Variants in DDX56 observed in about 807,000 individuals in gnomAD.
DDX56 encodes the protein DEAD-box helicase 56.
Under a neutral mutation model 61.5 loss-of-function variants are expected in DDX56, and 45 were observed. The observed-to-expected ratio is 0.73, with a 90% CI of 0.58 to 0.94. The LOEUF is 0.94. DDX56 is among the 40% of genes least tolerant of loss of function. The probability of loss-of-function intolerance (pLI) is 0.00; values close to 1 mark genes in which losing one functional copy is unlikely to be tolerated. For missense variants in DDX56, 708 were observed against 690.7 expected, an observed-to-expected ratio of 1.02 and a Z score of -0.28; for synonymous variants, 273 against 268.3, an observed-to-expected ratio of 1.02 and a Z score of -0.17.
At chr7:44,566,359 C>T (rs1277167520) in intron 13 of DDX56, 89 bp downstream of exon 13, 1 of 1,255,252 alleles carries the variant, frequency 8.0e-7, no homozygotes, top group Non-Finnish European at 1.1e-6. Context: ...CTTCCCCTCC[C>T]TAGGGCAAGG....
chr7:44,573,560 C>T (rs1802737162), intron 2 of DDX56, 23 bp downstream of exon 2: 2 of 1,607,984 alleles, frequency 1.2e-6, no homozygotes, highest in African/African-American at 2.7e-5. Flanking sequence ...CTCCTTCCTC[C>T]CCTCAGCTCT....
In DDX56 at chr7:44,573,725, C is replaced by A; in HGVS notation, c.80G>T (p.Trp27Leu). ...CTCCTGGATCAGCGTAGGTCGCGAC[C>A]AGCCCAGATCGGTGACAGCCTAGGA... ...RLLQAVTDLG[W>L]SRPTLIQEKA... The change falls in exon 2 of 14, where the codon TGG (tryptophan) becomes TTG (leucine). Residue 27 changes from tryptophan (W) to leucine (L), a missense_variant. Physicochemically the swap from Trp to Leu is moderately conservative, Grantham distance 61. Transcript: ENST00000258772. The A allele has an allele frequency of 6.2e-7, 1 of 1,613,558 alleles. No homozygotes were observed. The highest frequency in any genetic ancestry group is 8.5e-7 in the Non-Finnish European group (1 of 1,179,946).
In DDX56 at chr7:44,568,954, C is replaced by T; in HGVS notation, c.1332G>A (p.Glu444=). ...CTTCCTTGATCTCCTTCAATCTTGCCTCCCGAATGGCCTGCTTAGTCACTG... is the reference window on the plus strand; with the variant it reads ...CTTCCTTGATCTCCTTCAATCTTGCTTCCCGAATGGCCTGCTTAGTCACTG... ...MRSVTKQAIR[E]ARLKEIKEEL... is the part of the protein sequence containing the mutation. The change falls in exon 11 of 14, where the codon GAG becomes GAA. Residue 444 remains glutamate, a synonymous_variant. Transcript: ENST00000258772. The T allele has an allele frequency of 6.2e-7, 1 of 1,614,160 alleles. No individual in the cohort carries two copies. Among genetic ancestry groups the T allele is most frequent in the African/African-American group, 1.3e-5 (1 of 75,050 alleles).
chr7:44,572,552 A>ATGTT, intron 4 of DDX56, 22 bp downstream of exon 4: 1 of 1,613,820 alleles, frequency 6.2e-7, no homozygotes, highest in Non-Finnish European at 8.5e-7. Context: ...TCCACTAGGA[A>ATGTT]TCACACCCAC....
Position 44,569,891 on chromosome 7 carries a change from A to G in DDX56, c.1137T>C (p.Ala379=), listed in dbSNP as rs777361454. Residue 379 remains alanine (A), a synonymous_variant, in exon 9 of 14, where the codon GCT becomes GCC. Transcript: ENST00000258772. ...YIHRAGRTAR[A]NNPGIVLTFV... ...AGGTTAAGACTATGCCTGGGTTGTT[A>G]GCGCGTGCTGTCCTGCAAGGGAAGA... is the stretch of plus-strand genomic sequence containing the variant. 3.7e-6 allele frequency: 6 copies of G among 1,611,144 alleles called. No homozygotes were observed. Among genetic ancestry groups the G allele is most frequent in the Middle Eastern group, 1.7e-4 (1 of 6,060 alleles).
chr7:44,571,612 A>T lies in DDX56; in HGVS notation c.770T>A (p.Ile257Asn), dbSNP rs751665943. Residue 257 changes from isoleucine to asparagine, a missense_variant, in exon 6 of 14, where the codon ATT becomes AAT. Coordinates refer to ENST00000258772, the MANE Select transcript of DDX56 (RefSeq NM_019082.4). ...LLYALLKLSL[I>N]RGKSLLFVNT... ...GACAAAGAGCAGAGACTTGCCCCGA[A>T]TCAATGACAGCTTGAGCAGGGCATA... The T allele has an allele frequency of 1.2e-6, 2 of 1,614,150 alleles. No individual in the cohort carries two copies. Among genetic ancestry groups the T allele is most frequent in the Non-Finnish European group, 1.7e-6 (2 of 1,180,044 alleles).
At chr7:44,572,514 C>G (rs1802703124) in intron 4 of DDX56, 60 bp downstream of exon 4, 1 of 1,613,446 alleles carries the variant, frequency 6.2e-7, no homozygotes, top group Non-Finnish European at 8.5e-7. Flanking sequence ...CCACCCCGCT[C>G]TCGTCCCAAC....
chr7:44,573,467 C>A (rs550382798), intron 2 of DDX56, 116 bp downstream of exon 2: 7 of 1,380,592 alleles, frequency 5.1e-6, no homozygotes, highest in Non-Finnish European at 6.9e-6. Context: ...GCACCAGGTT[C>A]TCAGGCCGGC....
At chr7:44,569,243 C>A in intron 9 of DDX56, 40 bp from the exon 10 acceptor site, 1 of 1,591,342 alleles carries the variant, frequency 6.3e-7, no homozygotes, top group Admixed American at 1.7e-5. Context: ...CAGGCTGAGG[C>A]CTTAGGATAG....
chr7:44,567,964 G>A (rs1485795051), intron 12 of DDX56, among the ~76,000 whole-genome samples, 154 bp downstream of exon 12: 1 of 152,206 alleles, frequency 6.6e-6, no homozygotes, highest in African/African-American at 2.4e-5. Flanking sequence ...AAACACAGGG[G>A]TGTGCCTGTT....
chr7:44,573,768 A>G (rs772058734), intron 1 of DDX56, 24 bp from the exon 2 acceptor site: 1 of 1,613,466 alleles, frequency 6.2e-7, no homozygotes, highest in East Asian at 2.2e-5. Flanking sequence ...AGTGCGGTTT[A>G]AGCGGCGTGA....
Position 44,565,898 on chromosome 7 carries a change from ACTGT to A in DDX56, c.*100_*103del. On this transcript the variant is annotated 3_prime_UTR_variant, in exon 14 of 14. Transcript: ENST00000258772. ...AGGGCCCAGCACTGCCGGCCCCAGAACTGTCTGTTCAGGCTGTGCAGTAAGCACC... is the reference window on the plus strand; with the variant it reads ...AGGGCCCAGCACTGCCGGCCCCAGAACTGTTCAGGCTGTGCAGTAAGCACC... 1 of 906,278 alleles carries A rather than the reference ACTGT, an allele frequency of 1.1e-6. No individual in the cohort carries two copies. Among genetic ancestry groups the A allele is most frequent in the Non-Finnish European group, 1.8e-6 (1 of 556,190 alleles). 56.1% of individuals were successfully genotyped at this position (906,278 alleles called of 1,614,324 possible). A position where few individuals can be genotyped will look rare whatever the true frequency, so the allele number is the denominator to read the frequency against.
At chr7:44,571,359 G>A (rs1195232959) in intron 6 of DDX56, 133 bp downstream of exon 6, 1 of 1,056,224 alleles carries the variant, frequency 9.5e-7, no homozygotes, top group East Asian at 2.4e-5. Flanking sequence ...GTATTTTGGA[G>A]TTGGGAGAAG....
chr7:44,571,900 A>G (rs1445455969), intron 5 of DDX56, among the ~76,000 whole-genome samples, 164 bp from the exon 6 acceptor site: 1 of 152,172 alleles, frequency 6.6e-6, no homozygotes, highest in East Asian at 1.9e-4. Context: ...AAACCCCAAA[A>G]TGCCCTTATT....
intron 2 of DDX56, 94 bp downstream of exon 2, chr7:44,573,489 C>A: frequency 1.3e-6 from 2 of 1,509,872 alleles, no homozygotes; most frequent in Non-Finnish European, 9.0e-7. Flanking sequence ...TGCACGGGTA[C>A]AGGGCCAAGA....
intron 12 of DDX56, 189 bp downstream of exon 12, chr7:44,567,929 C>T (rs1163344617): frequency 1.6e-6 from 1 of 622,240 alleles, no homozygotes; most frequent in Non-Finnish European, 2.9e-6. Flanking sequence ...ACAGCTAACC[C>T]GTGGGACCAA....
rs371386547 is a variant in DDX56, at chr7:44,573,608, A to G, written c.197T>C (p.Leu66Pro). Residue 66 changes from leucine (L) to proline (P), a missense_variant, in exon 2 of 14, where the codon CTG becomes CCG. Physicochemically the swap from Leu to Pro is moderately conservative, Grantham distance 98. Coordinates refer to ENST00000258772, the MANE Select transcript of DDX56 (RefSeq NM_019082.4). ...CGCCTTCCTATGGAGCAACAGCTGC[A>G]GCATCGGAATAGCATAAGCGGCCGT... ...GKTAAYAIPM[L>P]QLLLHRKATG... 5.9e-5 allele frequency: 95 copies of G among 1,613,726 alleles called. No individual in the cohort carries two copies. Among genetic ancestry groups the G allele is most frequent in the Non-Finnish European group, 7.9e-5 (93 of 1,179,954 alleles).
At chr7:44,573,140 G>A (rs1802723094) in intron 2 of DDX56, 90 bp from the exon 3 acceptor site, 3 of 1,195,948 alleles carry the variant, frequency 2.5e-6, no homozygotes, top group Non-Finnish European at 2.3e-6. Flanking sequence ...TGACCCATCT[G>A]CTGCAACACT....
At chr7:44,566,415 C>T (rs373008362) in intron 13 of DDX56, 33 bp downstream of exon 13, 2 of 1,521,350 alleles carry the variant, frequency 1.3e-6, no homozygotes, top group African/African-American at 1.4e-5. Context: ...TGGGAGGAGT[C>T]CTGGGGCTGT....
Sources: gnomAD v4.1 joint callset for allele counts (sites outside exome capture counted in the v4.1 genomes callset) on GRCh38, gnomAD v4.1.1 for gene constraint, MANE v1.5 for transcripts, NCBI Gene and HGNC (gene_info 2026-07-23, HGNC 2026-07-21) for gene names.